Variants in TACC1 observed in about 807,000 individuals in gnomAD.
TACC1 encodes the protein transforming acidic coiled-coil containing protein 1.
In TACC1, 48 loss-of-function variants were observed where a neutral mutation model predicts 84.4. The ratio of observed to expected loss-of-function variants is 0.57; its 90% confidence interval spans 0.45 to 0.72. The LOEUF is 0.72. Among genes scored for constraint, TACC1 ranks in the 30% least tolerant of loss-of-function variants. The pLI is 0.00. For synonymous variants in TACC1, 372 were observed against 376.3 expected, an observed-to-expected ratio of 0.99 and a Z score of 0.13; for missense variants, 920 against 973.0, an observed-to-expected ratio of 0.95 and a Z score of 0.72.
chr8:38,752,876 G>A (rs1219306441), intron 3 of TACC1, among the ~76,000 whole-genome samples: 1 of 152,004 alleles, frequency 6.6e-6, no homozygotes, highest in Admixed American at 6.6e-5. Flanking sequence ...TTCTGTGAAC[G>A]ATTCTGAGCC....
In TACC1 at chr8:38,843,468, C is replaced by A. The variant is rs1588151943; in HGVS notation, c.2228+73C>A. On this transcript the variant is annotated intron_variant, in intron 11 of 12. Transcript: ENST00000317827. ...AGATTGAGAGAGGAAAACAAAATCA[C>A]TGTTTCGCAACTCCAGGTTGTATTT... 9 of 1,109,104 alleles carry A rather than the reference C, an allele frequency of 8.1e-6. No individual in the cohort carries two copies. In the East Asian group the frequency reaches 1.8e-4, roughly 23 times the overall value. The allele number at this position is 1,109,104 out of a possible 1,614,324, so 68.7% of individuals were successfully genotyped here. A position where few individuals can be genotyped will look rare whatever the true frequency, so the allele number is the denominator to read the frequency against.
At chr8:38,731,918 C>G (rs1805006759) in intron 1 of TACC1, among the ~76,000 whole-genome samples, 1 of 152,064 alleles carries the variant, frequency 6.6e-6, no homozygotes, top group East Asian at 1.9e-4. Context: ...TTGAGACCAG[C>G]CTGGCCAACA....
intron 3 of TACC1, among the ~76,000 whole-genome samples, chr8:38,747,808 C>T (rs1245535613): frequency 6.6e-6 from 1 of 152,134 alleles, no homozygotes; most frequent in East Asian, 1.9e-4. Flanking sequence ...TGTCAAAACT[C>T]ATAGAATGTA....
At chr8:38,847,454 C>T (rs147452446) in intron 12 of TACC1, among the ~76,000 whole-genome samples, 5 of 152,314 alleles carry the variant, frequency 3.3e-5, no homozygotes, top group East Asian at 3.9e-4. Context: ...TTTAGCTTTC[C>T]GTTTTTATAT....
chr8:38,846,640 T>A, intron 11 of TACC1, 59 bp from the exon 12 acceptor site: 1 of 1,603,486 alleles, frequency 6.2e-7, no homozygotes, highest in Non-Finnish European at 8.5e-7. Context: ...TGACTGGCTT[T>A]GACTAGTGGC....
At position 38,823,969 on chromosome 8, in the gene TACC1, C is replaced by G. The variant is rs1052122552; in HGVS notation, c.1392-1339C>G. The G allele has an allele frequency of 2.2e-6, 3 of 1,351,234 alleles. No individual in the cohort carries two copies. In the African/African-American group the frequency reaches 4.4e-5, roughly 20 times the overall value. 83.7% of individuals were successfully genotyped at this position (1,351,234 alleles called of 1,614,324 possible). Reference sequence around the variant, plus strand: ...CCATCTGTCTGTCTCTTTCCTGTCTCTAATTTTGTTGGTGCATCAGGACTA... The same window carrying G: ...CCATCTGTCTGTCTCTTTCCTGTCTGTAATTTTGTTGGTGCATCAGGACTA... On this transcript the variant is annotated intron_variant, in intron 3 of 12. Coordinates refer to ENST00000317827, the MANE Select transcript of TACC1 (RefSeq NM_006283.3).
At chr8:38,830,927 A>C (rs1829092255) in intron 5 of TACC1, among the ~76,000 whole-genome samples, 198 bp from the exon 6 acceptor site, 1 of 152,348 alleles carries the variant, frequency 6.6e-6, no homozygotes, top group Middle Eastern at 3.4e-3. Context: ...CTGACTAACC[A>C]TGTGCTCCTC....
intron 2 of TACC1, among the ~76,000 whole-genome samples, chr8:38,795,256 TA>T (rs1178073968): frequency 6.6e-6 from 1 of 152,166 alleles, no homozygotes; most frequent in Non-Finnish European, 1.5e-5. Context: ...AGTGTCTGAA[TA>T]AAAAATTCCA....
intron 1 of TACC1, among the ~76,000 whole-genome samples, chr8:38,731,078 C>T (rs74533027): frequency 3.9e-5 from 6 of 152,146 alleles, no homozygotes; most frequent in African/African-American, 1.4e-4. Flanking sequence ...CAGGCATGCA[C>T]CACTATGCCT....
intron 3 of TACC1, among the ~76,000 whole-genome samples, chr8:38,774,320 T>A (rs1291413551): frequency 6.6e-6 from 1 of 152,198 alleles, no homozygotes; most frequent in African/African-American, 2.4e-5. Context: ...CTAAGCTCAC[T>A]AATATGCAAG....
At position 38,844,417 on chromosome 8, in the gene TACC1, G is replaced by A. The variant is rs547395662; in HGVS notation, c.2228+1022G>A. 7.9e-5 allele frequency among the ~76,000 whole-genome samples: 12 copies of A among 152,076 alleles called. No homozygotes were observed. In the East Asian group the frequency reaches 1.9e-3, roughly 25 times the overall value. On this transcript the variant is annotated intron_variant, in intron 11 of 12. Transcript: ENST00000317827. ...TGGAACTCCTGACCTCAGGTGATCC[G>A]CCCGCCTCAGCTTCCCAAAGTGCTG...
At chr8:38,818,440 C>G (rs1188264006) in intron 2 of TACC1, among the ~76,000 whole-genome samples, 1 of 152,128 alleles carries the variant, frequency 6.6e-6, no homozygotes, top group Non-Finnish European at 1.5e-5. Flanking sequence ...AACGAAATTA[C>G]CTCATTCACA....
At chr8:38,747,038 G>T (rs993606244) in intron 3 of TACC1, among the ~76,000 whole-genome samples, 1 of 152,016 alleles carries the variant, frequency 6.6e-6, no homozygotes, top group African/African-American at 2.4e-5. Flanking sequence ...TTTTTAAATG[G>T]ATACAAAAAC....
chr8:38,779,701 G>T (rs1047055766), intron 3 of TACC1, among the ~76,000 whole-genome samples: 4 of 152,206 alleles, frequency 2.6e-5, no homozygotes. Flanking sequence ...ATGCAAATAT[G>T]CACACACACA....
At chr8:38,759,290 T>A (rs1026052285) in intron 3 of TACC1, among the ~76,000 whole-genome samples, 1 of 152,236 alleles carries the variant, frequency 6.6e-6, no homozygotes, top group Admixed American at 6.5e-5. Context: ...AAAATCAGTA[T>A]ATATGAATAA....
upstream of TACC1, among the ~76,000 whole-genome samples, chr8:38,787,041 C>A (rs1817321189): frequency 6.6e-6 from 1 of 151,716 alleles, no homozygotes; most frequent in East Asian, 1.9e-4. Flanking sequence ...GCGCAGCCGG[C>A]AAGCCCCGGC....
chr8:38,836,898 TAAAG>T (rs953685401), intron 7 of TACC1, among the ~76,000 whole-genome samples: 1 of 152,190 alleles, frequency 6.6e-6, no homozygotes, highest in Non-Finnish European at 1.5e-5. Context: ...CACCTGTTCT[TAAAG>T]GAAGGTGTGG....
intron 2 of TACC1, among the ~76,000 whole-genome samples, chr8:38,792,730 G>T (rs1226103698): frequency 6.6e-6 from 1 of 152,152 alleles, no homozygotes; most frequent in Non-Finnish European, 1.5e-5. Context: ...CTCCCAAAGT[G>T]CTGGGATTAC....
rs568408436 is a variant in TACC1 at position 38,762,438 on chromosome 8, G to A, written c.26+16945G>A. Among the ~76,000 whole-genome samples, 140 of 152,204 alleles carry A rather than the reference G, an allele frequency of 9.2e-4. 2 individuals are homozygous for A. The highest frequency in any genetic ancestry group is 3.1e-3 in the African/African-American group (129 of 41,516). ...AATGTCCTCAAGGTGTGTCCATGTC[G>A]TAGCATGTATCAGAATTTCTTTATG... On this transcript the variant is annotated intron_variant, in intron 3 of 14. Coordinates refer to the TACC1 transcript ENST00000518415.
Sources: gnomAD v4.1 joint callset for allele counts (sites outside exome capture counted in the v4.1 genomes callset) on GRCh38, gnomAD v4.1.1 for gene constraint, MANE v1.5 for transcripts, NCBI Gene and HGNC (gene_info 2026-07-23, HGNC 2026-07-21) for gene names.